FARP1: variants seen among roughly 807,000 people sequenced by gnomAD.
FARP1 encodes FERM, ARHGEF and pleckstrin domain-containing protein 1.
In FARP1, 52 loss-of-function variants were observed where a neutral mutation model predicts 128.8. The observed-to-expected ratio is 0.40, with a 90% CI of 0.32 to 0.51. FARP1 has a LOEUF of 0.51. Ranked by LOEUF, FARP1 falls within the 20% of genes least tolerant of loss-of-function variation. The pLI is 0.45. For synonymous variants in FARP1, 580 were observed against 551.8 expected (o/e 1.05, Z -0.72); for missense variants, 1,333 against 1,367.9 (o/e 0.97, Z 0.40).
intron 2 of FARP1, among the ~76,000 whole-genome samples, chr13:98,226,611 C>A (rs368658886): frequency 2.0e-5 from 3 of 152,108 alleles, no homozygotes; most frequent in African/African-American, 7.2e-5. Flanking sequence ...CTGTGTAACT[C>A]ATTTCCCCAG....
At chr13:98,172,824 C>T (rs1364595652) in intron 1 of FARP1, among the ~76,000 whole-genome samples, 1 of 152,092 alleles carries the variant, frequency 6.6e-6, no homozygotes, top group Non-Finnish European at 1.5e-5. Flanking sequence ...GAGTCTAGAG[C>T]CCAAGGAGAG....
chr13:98,160,612 A>G (rs1876811565), intron 1 of FARP1, among the ~76,000 whole-genome samples: 1 of 152,188 alleles, frequency 6.6e-6, no homozygotes, highest in Non-Finnish European at 1.5e-5. Flanking sequence ...CTACCACTCC[A>G]GCACACACAG....
At chr13:98,158,695 G>C (rs1216172517) in intron 1 of FARP1, among the ~76,000 whole-genome samples, 2 of 152,196 alleles carry the variant, frequency 1.3e-5, no homozygotes, top group African/African-American at 4.8e-5. Flanking sequence ...AGGGGACCAG[G>C]GACAGGGAAC....
chr13:98,412,935 G>GT (rs1891244968), intron 16 of FARP1, among the ~76,000 whole-genome samples: 1 of 152,222 alleles, frequency 6.6e-6, no homozygotes, highest in Admixed American at 6.5e-5. Flanking sequence ...CTCACTACCA[G>GT]TGAGAATTTG....
chr13:98,299,173 G>C (rs1222143581), intron 2 of FARP1, among the ~76,000 whole-genome samples: 2 of 152,106 alleles, frequency 1.3e-5, no homozygotes, highest in Non-Finnish European at 2.9e-5. Flanking sequence ...CATTTGAACC[G>C]ACAGCAACTA....
chr13:98,300,467 G>A (rs368763496), intron 2 of FARP1, among the ~76,000 whole-genome samples: 28 of 152,198 alleles, frequency 1.8e-4, no homozygotes, highest in Admixed American at 1.0e-3. Context: ...CAGGATGTCC[G>A]CGTATTCTTT....
intron 2 of FARP1, among the ~76,000 whole-genome samples, chr13:98,267,602 G>A (rs1416086454): frequency 6.6e-6 from 1 of 152,168 alleles, no homozygotes; most frequent in Non-Finnish European, 1.5e-5. Context: ...TTCCAGCCCC[G>A]TAGGTCCACA....
chr13:98,443,977 C>T (rs899861997), intron 24 of FARP1, among the ~76,000 whole-genome samples: 4 of 152,144 alleles, frequency 2.6e-5, no homozygotes, highest in African/African-American at 7.2e-5. Context: ...CTGGGTGAGG[C>T]CACAGAAACA....
At chr13:98,191,145 C>T (rs1345824708) in intron 1 of FARP1, among the ~76,000 whole-genome samples, 1 of 152,188 alleles carries the variant, frequency 6.6e-6, no homozygotes, top group Non-Finnish European at 1.5e-5. Flanking sequence ...GTGGTGACCT[C>T]TGATGCTGCT....
intron 2 of FARP1, among the ~76,000 whole-genome samples, chr13:98,222,690 C>T (rs1285656900): frequency 6.6e-6 from 1 of 151,572 alleles, no homozygotes; most frequent in Non-Finnish European, 1.5e-5. Flanking sequence ...GGAATGATCT[C>T]CGCTCACTGC....
chr13:98,206,418 C>T (rs888216017), intron 1 of FARP1, among the ~76,000 whole-genome samples: 1 of 152,150 alleles, frequency 6.6e-6, no homozygotes, highest in Non-Finnish European at 1.5e-5. Context: ...GCACACCTGT[C>T]CCTGTTATTC....
At chr13:98,411,444 G>A (rs1891192373) in intron 15 of FARP1, among the ~76,000 whole-genome samples, 1 of 152,154 alleles carries the variant, frequency 6.6e-6, no homozygotes, top group Non-Finnish European at 1.5e-5. Flanking sequence ...TCACCTCAGC[G>A]ACAGGAGTGA....
At chr13:98,233,175 C>A (rs1047464169) in intron 2 of FARP1, among the ~76,000 whole-genome samples, 5 of 152,198 alleles carry the variant, frequency 3.3e-5, no homozygotes, top group Admixed American at 2.6e-4. Context: ...AAGGTGTTGT[C>A]TAATGTTAAG....
intron 1 of FARP1, among the ~76,000 whole-genome samples, chr13:98,163,004 A>G (rs1309994064): frequency 2.6e-5 from 4 of 152,236 alleles, no homozygotes; most frequent in African/African-American, 4.8e-5. Context: ...TCATTCTACC[A>G]TAAGGACATA....
intron 2 of FARP1, among the ~76,000 whole-genome samples, chr13:98,325,767 A>G (rs1189712933): frequency 6.6e-6 from 1 of 152,246 alleles, no homozygotes; most frequent in African/African-American, 2.4e-5. Flanking sequence ...TTGTCATAAG[A>G]AAGTCTTTGT....
chr13:98,159,857 G>T (rs1876753485), intron 1 of FARP1, among the ~76,000 whole-genome samples: 1 of 152,212 alleles, frequency 6.6e-6, no homozygotes, highest in African/African-American at 2.4e-5. Context: ...CACCCAAGGT[G>T]AGTGCCTCAC....
chr13:98,345,581 C>T (rs1888145757), intron 3 of FARP1: 1 of 152,170 alleles, frequency 6.6e-6, no homozygotes, highest in Non-Finnish European at 1.5e-5. Flanking sequence ...TATTCAACTG[C>T]AAAATAAAAC....
intron 2 of FARP1, among the ~76,000 whole-genome samples, chr13:98,280,137 TC>T (rs1436638527): frequency 6.6e-6 from 1 of 152,148 alleles, no homozygotes; most frequent in African/African-American, 2.4e-5. Context: ...TGCTGACTAT[TC>T]TTTTGAGGAA....
At chr13:98,393,397 G>A (rs181556653) in intron 11 of FARP1, among the ~76,000 whole-genome samples, 28 of 152,218 alleles carry the variant, frequency 1.8e-4, no homozygotes, top group Admixed American at 5.9e-4. Flanking sequence ...GAGCTGCACC[G>A]TGAGAACTAC....
Sources: gnomAD v4.1 joint callset for allele counts (sites outside exome capture counted in the v4.1 genomes callset) on GRCh38, gnomAD v4.1.1 for gene constraint, MANE v1.5 for transcripts, NCBI Gene and HGNC (gene_info 2026-07-23, HGNC 2026-07-21) for gene names.